Variants in FERMT2 observed in about 807,000 individuals in gnomAD.
The protein encoded by FERMT2 is FERM domain containing kindlin 2.
FERMT2 carries 15 observed loss-of-function variants against 82.7 expected under a neutral mutation model. That is an observed-to-expected ratio of 0.18 (90% CI 0.12 to 0.28). The LOEUF is 0.28. Ranked by LOEUF, FERMT2 falls within the 10% of genes least tolerant of loss-of-function variation. The probability of loss-of-function intolerance (pLI) is 1.00; values close to 1 mark genes in which losing one functional copy is unlikely to be tolerated. For synonymous variants in FERMT2, 274 were observed against 271.5 expected, an observed-to-expected ratio of 1.01 and a Z score of -0.09; for missense variants, 645 against 809.4, an observed-to-expected ratio of 0.80 and a Z score of 2.46.
intron 3 of FERMT2, among the ~76,000 whole-genome samples, chr14:52,898,084 A>G (rs1430579612): frequency 2.6e-5 from 4 of 151,900 alleles, no homozygotes. Context: ...CTATTTTCTG[A>G]TCGGTTTCTG....
chr14:52,901,417 A>C (rs1347721400), intron 3 of FERMT2, among the ~76,000 whole-genome samples: 1 of 152,214 alleles, frequency 6.6e-6, no homozygotes, highest in Non-Finnish European at 1.5e-5. Flanking sequence ...CACAAACACC[A>C]ATCTAGGTAC....
intron 2 of FERMT2, among the ~76,000 whole-genome samples, chr14:52,925,978 T>C (rs981368570): frequency 2.0e-5 from 3 of 152,138 alleles, no homozygotes; most frequent in South Asian, 2.1e-4. Context: ...CTTAGTTATC[T>C]AGTGTATTAC....
intron 3 of FERMT2, among the ~76,000 whole-genome samples, chr14:52,918,256 A>C (rs1328858481): frequency 6.6e-6 from 1 of 152,202 alleles, no homozygotes; most frequent in Non-Finnish European, 1.5e-5. Flanking sequence ...TAAGTTTAAA[A>C]AATACATATA....
intron 3 of FERMT2, among the ~76,000 whole-genome samples, chr14:52,903,117 A>G (rs1887777563): frequency 6.6e-6 from 1 of 152,012 alleles, no homozygotes; most frequent in South Asian, 2.1e-4. Flanking sequence ...CAATGAATGA[A>G]AATAAAACCC....
In FERMT2 at chr14:52,860,375, G is replaced by A. The variant is rs2140047579; in HGVS notation, c.1693C>T (p.Leu565=). Residue 565 remains leucine, a synonymous_variant, in exon 13 of 15, where the codon CTA becomes TTA. Coordinates refer to ENST00000341590, the MANE Select transcript of FERMT2 (RefSeq NM_006832.3). ...AAGTGAGTGATGCCAAATTCAGGTA[G>A]TGACTGCCAAGCTTGAATAAATCTC... is the stretch of plus-strand genomic sequence containing the variant. ...KMRFIQAWQS[L]PEFGITHFIA... is the part of the protein sequence containing the mutation. The A allele has an allele frequency of 6.2e-7, 1 of 1,614,026 alleles. No homozygotes were observed. The highest frequency in any genetic ancestry group is 8.5e-7 in the Non-Finnish European group (1 of 1,179,934).
At chr14:52,897,588 A>G (rs539589196) in intron 3 of FERMT2, among the ~76,000 whole-genome samples, 2 of 152,342 alleles carry the variant, frequency 1.3e-5, no homozygotes, top group South Asian at 4.1e-4. Flanking sequence ...TTTTATATAA[A>G]CATTGTCCAT....
chr14:52,870,801 A>G (rs1055391490), intron 10 of FERMT2, among the ~76,000 whole-genome samples: 3 of 152,240 alleles, frequency 2.0e-5, no homozygotes, highest in Non-Finnish European at 4.4e-5. Flanking sequence ...CTACTGTTAA[A>G]TGATACATGA....
intron 2 of FERMT2, among the ~76,000 whole-genome samples, chr14:52,941,300 C>T (rs1246278129): frequency 6.6e-6 from 1 of 152,088 alleles, no homozygotes; most frequent in Non-Finnish European, 1.5e-5. Flanking sequence ...GGCGATGAGA[C>T]GGTTACAAAG....
intron 3 of FERMT2, among the ~76,000 whole-genome samples, chr14:52,899,533 C>T (rs1887501475): frequency 4.6e-5 from 7 of 152,190 alleles, no homozygotes; most frequent in Admixed American, 4.6e-4. Context: ...CTGCCCTCCT[C>T]GGCCTCCCAA....
At chr14:52,940,181 A>C (rs1890027263) in intron 2 of FERMT2, among the ~76,000 whole-genome samples, 3 of 152,198 alleles carry the variant, frequency 2.0e-5, no homozygotes, top group Non-Finnish European at 4.4e-5. Flanking sequence ...ATGTGTAGAA[A>C]GGTCACCCCA....
chr14:52,885,792 A>T (rs550147451), intron 4 of FERMT2, among the ~76,000 whole-genome samples: 225 of 152,240 alleles, frequency 1.5e-3, no homozygotes, highest in African/African-American at 5.1e-3. Context: ...ATTTTAAAAA[A>T]TTTTCACCAA....
chr14:52,914,326 C>T (rs1184622168), intron 3 of FERMT2, among the ~76,000 whole-genome samples: 1 of 151,910 alleles, frequency 6.6e-6, no homozygotes, highest in African/African-American at 2.4e-5. Context: ...GCTGTGTTCA[C>T]ACCACTGCAC....
At chr14:52,870,955 C>T (rs1451658443) in intron 10 of FERMT2, among the ~76,000 whole-genome samples, 2 of 152,170 alleles carry the variant, frequency 1.3e-5, no homozygotes, top group African/African-American at 2.4e-5. Context: ...CGGAATACTT[C>T]GAGTTAGAAA....
chr14:52,898,896 G>A (rs961095861), intron 3 of FERMT2, among the ~76,000 whole-genome samples: 2 of 152,196 alleles, frequency 1.3e-5, no homozygotes, highest in African/African-American at 2.4e-5. Flanking sequence ...TATTTAGTGG[G>A]AGACAGTAAG....
intron 10 of FERMT2, chr14:52,871,552 A>T (rs1300175661): frequency 6.6e-6 from 1 of 152,318 alleles, no homozygotes; most frequent in Non-Finnish European, 1.5e-5. Flanking sequence ...CAGAAGAACC[A>T]GACTAATCTG....
intron 4 of FERMT2, among the ~76,000 whole-genome samples, chr14:52,884,701 C>G (rs1886487998): frequency 6.6e-6 from 1 of 151,866 alleles, no homozygotes; most frequent in African/African-American, 2.4e-5. Context: ...TTGGTGTGCA[C>G]CTATTTTTTA....
chr14:52,890,642 C>T (rs1306133791), intron 4 of FERMT2, among the ~76,000 whole-genome samples: 4 of 142,928 alleles, frequency 2.8e-5, no homozygotes, highest in African/African-American at 5.1e-5. Context: ...CTTGCTCTGT[C>T]GCCCAGACTG....
Position 52,859,682 on chromosome 14 carries a change from C to G in FERMT2, c.1760G>C (p.Gly587Ala). The G allele has an allele frequency of 6.2e-7, 1 of 1,600,390 alleles. No individual in the cohort carries two copies. The highest frequency in any genetic ancestry group is 1.1e-5 in the South Asian group (1 of 88,070). Residue 587 changes from glycine (G) to alanine (A), a missense_variant, in exon 14 of 15, where the codon GGA (glycine) becomes GCA (alanine). By Grantham distance (60) the Gly-to-Ala change is moderately conservative. Transcript: ENST00000341590. ...CCGAATCAGTCTGTTGTATGCAATT[C>G]CAATAAGTTCTTCTTTTTTGCCCCC... The part of the protein sequence containing the change: ...FQGGKKEELI[G>A]IAYNRLIRMD...
chr14:52,858,434 G>C lies in FERMT2; in HGVS notation c.1986C>G (p.Asp662Glu), dbSNP rs758991496. 5.5e-5 allele frequency: 88 copies of C among 1,613,952 alleles called. No homozygotes were observed. Among genetic ancestry groups the C allele is most frequent in the Non-Finnish European group, 6.7e-5 (79 of 1,180,012 alleles). ...GYIFLSTRAK[D>E]QNESLDEEMF... is the part of the protein sequence containing the mutation. ...TCTCTTCATCTAAACTCTCGTTTTG[G>C]TCTTTTGCACGTGTTGAGAGAAATA... is the stretch of plus-strand genomic sequence containing the variant. Residue 662 changes from aspartate (D) to glutamate (E), a missense_variant, in exon 15 of 15, where the codon GAC becomes GAG. Asp to Glu is a conservative substitution (Grantham distance 45). Transcript: ENST00000341590.
Sources: allele counts gnomAD v4.1 joint callset (sites outside exome capture counted in the v4.1 genomes callset), GRCh38; gene constraint gnomAD v4.1.1; transcripts MANE v1.5; gene names NCBI Gene and HGNC (gene_info 2026-07-23, HGNC 2026-07-21).